Variants in NTN4 observed in about 807,000 individuals in gnomAD.
NTN4 encodes netrin-4.
Under a neutral mutation model 73.6 loss-of-function variants are expected in NTN4, and 32 were observed. The ratio of observed to expected loss-of-function variants is 0.44; its 90% CI spans 0.33 to 0.58. NTN4 has a LOEUF of 0.58. NTN4 is among the 20% of genes least tolerant of loss of function. The pLI, the probability that NTN4 is intolerant of heterozygous loss-of-function variation, is 0.04. For missense variants in NTN4, 654 were observed against 798.3 expected (o/e 0.82, Z 2.18); for synonymous variants, 258 against 287.5 (o/e 0.90, Z 1.04).
At chr12:95,690,923 A>G (rs1291054422) in intron 5 of NTN4, among the ~76,000 whole-genome samples, 1 of 152,212 alleles carries the variant, frequency 6.6e-6, no homozygotes, top group African/African-American at 2.4e-5. Flanking sequence ...TCTACCATAT[A>G]TTTTAAAAGC....
At chr12:95,755,501 C>T (rs1457755754) in intron 2 of NTN4, among the ~76,000 whole-genome samples, 1 of 152,160 alleles carries the variant, frequency 6.6e-6, no homozygotes, top group African/African-American at 2.4e-5. Context: ...AAGTGAAGTA[C>T]CTACTTGTAT....
At chr12:95,726,807 T>C (rs1415042373) in intron 3 of NTN4, among the ~76,000 whole-genome samples, 1 of 152,018 alleles carries the variant, frequency 6.6e-6, no homozygotes, top group African/African-American at 2.4e-5. Flanking sequence ...CCGTCTCTAC[T>C]AAAAATACAA....
At chr12:95,735,625 A>G (rs1022485266) in intron 3 of NTN4, among the ~76,000 whole-genome samples, 1 of 152,206 alleles carries the variant, frequency 6.6e-6, no homozygotes, top group Non-Finnish European at 1.5e-5. Context: ...CTTACTGTAT[A>G]GTCTCCTTTA....
intron 2 of NTN4, among the ~76,000 whole-genome samples, chr12:95,746,536 C>T (rs553431640): frequency 6.7e-4 from 102 of 152,312 alleles, no homozygotes; most frequent in African/African-American, 2.4e-3. Context: ...TTCTCTAACT[C>T]GCTCAGGTAC....
At chr12:95,709,431 C>T (rs1340444638) in intron 5 of NTN4, among the ~76,000 whole-genome samples, 1 of 152,188 alleles carries the variant, frequency 6.6e-6, no homozygotes, top group Non-Finnish European at 1.5e-5. Context: ...TCACATAATT[C>T]AGATAATGTC....
rs542462613 is a variant in NTN4 at position 95,700,139 on chromosome 12, C to T, written c.1180+10302G>A. Among the ~76,000 whole-genome samples, 98 of 116,896 alleles carry T rather than the reference C, an allele frequency of 8.4e-4. 1 individual carries two copies. Among genetic ancestry groups the T allele is most frequent in the African/African-American group, 3.1e-3 (93 of 29,650 alleles). The allele number at this position is 116,896 out of a possible 152,430, so 76.7% of individuals were successfully genotyped here. On this transcript the variant is annotated intron_variant, in intron 5 of 9. Coordinates refer to ENST00000343702, the MANE Select transcript of NTN4 (RefSeq NM_021229.4). Reference sequence around the variant, plus strand: ...TTACTTAGGGTCTCAGTCTGCCACCCTGGTTGTGTAGTGCAGTGGTGTGAT... The same window carrying T: ...TTACTTAGGGTCTCAGTCTGCCACCTTGGTTGTGTAGTGCAGTGGTGTGAT...
intron 2 of NTN4, among the ~76,000 whole-genome samples, chr12:95,744,975 C>G (rs2078851910): frequency 6.6e-6 from 1 of 151,920 alleles, no homozygotes; most frequent in Admixed American, 6.6e-5. Flanking sequence ...TCTGCCTCCG[C>G]TGTCTTCAGG....
At chr12:95,768,571 G>A (rs2079035750) in intron 2 of NTN4, among the ~76,000 whole-genome samples, 1 of 152,044 alleles carries the variant, frequency 6.6e-6, no homozygotes, top group African/African-American at 2.4e-5. Context: ...GGCCAGGGGG[G>A]CATTCAGACA....
intron 2 of NTN4, among the ~76,000 whole-genome samples, chr12:95,769,358 T>C (rs2079040465): frequency 6.6e-6 from 1 of 151,808 alleles, no homozygotes; most frequent in South Asian, 2.1e-4. Context: ...TACAGACAAA[T>C]AGGAGCCAGA....
At chr12:95,719,557 A>T (rs1354516799) in intron 3 of NTN4, among the ~76,000 whole-genome samples, 1 of 152,192 alleles carries the variant, frequency 6.6e-6, no homozygotes, top group Admixed American at 6.5e-5. Flanking sequence ...TGAACTTGTT[A>T]TTCATGAAAA....
chr12:95,663,506 G>A (rs2078154589), intron 9 of NTN4: 1 of 152,224 alleles, frequency 6.6e-6, no homozygotes, highest in Non-Finnish European at 1.5e-5. Context: ...ATGTATGCAT[G>A]AATTAAGAAT....
intron 2 of NTN4, among the ~76,000 whole-genome samples, chr12:95,786,601 G>A (rs1031441854): frequency 6.6e-6 from 1 of 152,074 alleles, no homozygotes; most frequent in African/African-American, 2.4e-5. Flanking sequence ...GGAACAGACT[G>A]TCTCAGTAAC....
intron 8 of NTN4, among the ~76,000 whole-genome samples, chr12:95,669,078 T>A (rs1034524709): frequency 7.2e-5 from 11 of 152,050 alleles, no homozygotes; most frequent in Non-Finnish European, 1.3e-4. Context: ...CGTGGTGGCA[T>A]ATGCCTGTAA....
chr12:95,724,506 A>C (rs1004685339), intron 3 of NTN4, among the ~76,000 whole-genome samples: 2 of 152,234 alleles, frequency 1.3e-5, no homozygotes, highest in African/African-American at 4.8e-5. Flanking sequence ...CAATAAAGTA[A>C]GGCACTCTGA....
chr12:95,760,680 C>CTTTTTTTTTTTTT (rs11308260), intron 2 of NTN4, among the ~76,000 whole-genome samples: 1 of 130,790 alleles, frequency 7.6e-6, no homozygotes. Context: ...ATTGTATCAT[C>CTTTTTTTTTTTTT]TTTTTTTTTT....
At chr12:95,743,102 C>A (rs1389919587) in intron 2 of NTN4, among the ~76,000 whole-genome samples, 2 of 152,156 alleles carry the variant, frequency 1.3e-5, no homozygotes, top group African/African-American at 4.8e-5. Context: ...GCAGGTATAG[C>A]AAACACTCCA....
chr12:95,752,305 G>T (rs375470086), intron 2 of NTN4, among the ~76,000 whole-genome samples: 29 of 146,960 alleles, frequency 2.0e-4, no homozygotes, highest in Non-Finnish European at 3.9e-4. Context: ...CAGGATCTGC[G>T]CCTTATCAAC....
intron 2 of NTN4, among the ~76,000 whole-genome samples, chr12:95,757,011 C>T (rs996934313): frequency 1.3e-5 from 2 of 152,024 alleles, no homozygotes; most frequent in Admixed American, 6.6e-5. Context: ...TTCAAGCACC[C>T]GTTATTTCTT....
At chr12:95,764,877 A>AT (rs976741086) in intron 2 of NTN4, among the ~76,000 whole-genome samples, 2 of 152,232 alleles carry the variant, frequency 1.3e-5, no homozygotes, top group East Asian at 1.9e-4. Context: ...CTTAAGAGAG[A>AT]TTTTTTTAAA....
Sources: gnomAD v4.1 joint callset for allele counts (sites outside exome capture counted in the v4.1 genomes callset) on GRCh38, gnomAD v4.1.1 for gene constraint, MANE v1.5 for transcripts, NCBI Gene and HGNC (gene_info 2026-07-23, HGNC 2026-07-21) for gene names.